The following SDK1 variants were observed in gnomAD, a reference collection of about 807,000 sequenced individuals.
SDK1 encodes protein sidekick-1.
A neutral mutation model predicts 245.5 loss-of-function variants in SDK1; 157 were observed. The observed-to-expected ratio is 0.64, with a 90% confidence interval of 0.56 to 0.73. SDK1 has a LOEUF of 0.73. SDK1 is among the 30% of genes least tolerant of loss of function. The pLI is 0.00. For missense variants in SDK1, 3,583 were observed against 3,002.3 expected, an observed-to-expected ratio of 1.19 and a Z score of -4.52; for synonymous variants, 1,647 against 1,278.5, an observed-to-expected ratio of 1.29 and a Z score of -6.15.
Position 3,661,029 on chromosome 7 carries a change from C to A in SDK1, c.713+18924C>A, listed in dbSNP as rs910985494. Among the ~76,000 whole-genome samples, 8 of 152,118 alleles carry A rather than the reference C, an allele frequency of 5.3e-5. 1 individual carries two copies. Among genetic ancestry groups the A allele is most frequent in the African/African-American group, 1.9e-4 (8 of 41,438 alleles). On this transcript the variant is annotated intron_variant, in intron 4 of 44. Coordinates refer to ENST00000404826, the MANE Select transcript of SDK1 (RefSeq NM_152744.4). ...GTATTTAGAAATTACTTATGTGAAG[C>A]CTGTCCGTGTTCATGGTCATTTCAA...
At position 4,170,546 on chromosome 7, in the gene SDK1, A is replaced by G. The variant is rs375092937; in HGVS notation, c.4801-3676A>G. On this transcript the variant is annotated intron_variant, in intron 32 of 44. Transcript: ENST00000404826. ...GTTATGCACACACAGGATTTCCACC[A>G]CGCCCCCACATCTCTGGTGGTGCTT... 7.9e-5 allele frequency among the ~76,000 whole-genome samples: 12 copies of G among 152,280 alleles called. No homozygotes were observed. The East Asian group carries it at 1.9e-3, about 24-fold the overall frequency.
At chr7:3,587,300 CGTGTGTGTGT>C (rs10523052) in intron 1 of SDK1, among the ~76,000 whole-genome samples, 6 of 149,052 alleles carry the variant, frequency 4.0e-5, no homozygotes, top group African/African-American at 9.9e-5. Context: ...AGAAACAGAA[CGTGTGTGTGT>C]GTGTGTGTGT....
chr7:3,360,467 G>A (rs902694360), intron 1 of SDK1, among the ~76,000 whole-genome samples: 1 of 152,220 alleles, frequency 6.6e-6, no homozygotes, highest in Non-Finnish European at 1.5e-5. Context: ...TGTTATTGAA[G>A]TGTTACATGA....
At chr7:3,936,441 C>T (rs962876984) in intron 5 of SDK1, among the ~76,000 whole-genome samples, 2 of 151,972 alleles carry the variant, frequency 1.3e-5, no homozygotes, top group Non-Finnish European at 2.9e-5. Flanking sequence ...AAAAATTAGC[C>T]AGGCATGGTG....
At chr7:4,150,677 G>A (rs1780304270) in intron 30 of SDK1, among the ~76,000 whole-genome samples, 1 of 152,234 alleles carries the variant, frequency 6.6e-6, no homozygotes, top group African/African-American at 2.4e-5. Context: ...GAAGCCCCTG[G>A]CAGCTCCTCA....
At chr7:3,587,777 G>T (rs1420311811) in intron 1 of SDK1, among the ~76,000 whole-genome samples, 1 of 152,214 alleles carries the variant, frequency 6.6e-6, no homozygotes, top group African/African-American at 2.4e-5. Flanking sequence ...CTGCCCCTTG[G>T]CCTTTCCTGA....
chr7:3,337,422 GTGT>G (rs1241121871), intron 1 of SDK1, among the ~76,000 whole-genome samples: 1 of 151,846 alleles, frequency 6.6e-6, no homozygotes, highest in East Asian at 1.9e-4. Flanking sequence ...GATAACACTT[GTGT>G]TGTTGCAGTT....
intron 4 of SDK1, chr7:3,642,782 A>G (rs1782693009): frequency 6.6e-6 from 1 of 152,246 alleles, no homozygotes; most frequent in Non-Finnish European, 1.5e-5. Flanking sequence ...TCATAACTGG[A>G]CATTTTACAA....
At chr7:4,229,486 GTTA>G (rs1785620065) in intron 40 of SDK1, among the ~76,000 whole-genome samples, 1 of 152,122 alleles carries the variant, frequency 6.6e-6, no homozygotes, top group South Asian at 2.1e-4. Context: ...ATTTTAAAAT[GTTA>G]TTATGAAAAA....
chr7:3,560,154 T>C (rs755642448), intron 1 of SDK1, among the ~76,000 whole-genome samples: 1 of 152,260 alleles, frequency 6.6e-6, no homozygotes, highest in Non-Finnish European at 1.5e-5. Context: ...GTTTTAAATG[T>C]TACTTATCAT....
chr7:4,177,856 C>T (rs995848099), intron 34 of SDK1, among the ~76,000 whole-genome samples: 11 of 152,192 alleles, frequency 7.2e-5, no homozygotes, highest in East Asian at 1.9e-4. Context: ...TGCAACTAGA[C>T]GGTCCCATCT....
chr7:3,931,968 A>C (rs1336479583), intron 5 of SDK1, among the ~76,000 whole-genome samples: 2 of 152,204 alleles, frequency 1.3e-5, no homozygotes, highest in Middle Eastern at 3.2e-3. Context: ...TTAAAACGGC[A>C]TGAGTTGCTG....
intron 38 of SDK1, among the ~76,000 whole-genome samples, chr7:4,217,086 C>A (rs1166887379): frequency 3.8e-5 from 1 of 26,094 alleles, no homozygotes; most frequent in African/African-American, 1.9e-4. Context: ...CCCGGAGCAC[C>A]ACACCACCCG....
Position 4,051,812 on chromosome 7 carries a change from G to C in SDK1, c.2893G>C (p.Val965Leu). Residue 965 changes from valine (V) to leucine (L), a missense_variant, in exon 19 of 45, where the codon GTC (valine) becomes CTC (leucine). Physicochemically the swap from Val to Leu is conservative, Grantham distance 32 (BLOSUM62 1). Coordinates refer to ENST00000404826, the MANE Select transcript of SDK1 (RefSeq NM_152744.4). Reference sequence around the variant, plus strand: ...CGGGCCTCCCAGCACACCTCAGCTGGTCTGGACTCAGGAAGACAGTGAGTA... The same window carrying C: ...CGGGCCTCCCAGCACACCTCAGCTGCTCTGGACTCAGGAAGACAGTGAGTA... ...GDGPPSTPQL[V>L]WTQEDKPGAV... 1 of 1,611,908 alleles carries C rather than the reference G, an allele frequency of 6.2e-7. No individual in the cohort carries two copies. Among genetic ancestry groups the C allele is most frequent in the Middle Eastern group, 1.7e-4 (1 of 6,052 alleles).
At chr7:3,883,180 C>A (rs1781248820) in intron 5 of SDK1, among the ~76,000 whole-genome samples, 2 of 152,142 alleles carry the variant, frequency 1.3e-5, no homozygotes, top group African/African-American at 4.8e-5. Flanking sequence ...GTGGGCAGGA[C>A]CCCACACACA....
At chr7:3,484,642 A>G (rs1380224765) in intron 1 of SDK1, among the ~76,000 whole-genome samples, 4 of 152,010 alleles carry the variant, frequency 2.6e-5, no homozygotes, top group South Asian at 2.1e-4. Flanking sequence ...TCCATAACCA[A>G]CCTCGCCTCA....
intron 17 of SDK1, among the ~76,000 whole-genome samples, chr7:4,028,651 C>A (rs561495163): frequency 6.6e-6 from 1 of 152,372 alleles, no homozygotes; most frequent in South Asian, 2.1e-4. Flanking sequence ...TTATGTCCCA[C>A]ATTTCCACCT....
intron 4 of SDK1, among the ~76,000 whole-genome samples, chr7:3,765,735 G>A (rs1248334232): frequency 1.3e-5 from 2 of 151,910 alleles, no homozygotes; most frequent in African/African-American, 4.8e-5. Flanking sequence ...TGCCTTCTTT[G>A]GTTTCTCCTT....
intron 5 of SDK1, among the ~76,000 whole-genome samples, chr7:3,935,462 T>G (rs1423797599): frequency 6.6e-6 from 1 of 152,198 alleles, no homozygotes; most frequent in African/African-American, 2.4e-5. Flanking sequence ...TGGGAGGAAG[T>G]ATTTGCAAAT....
Sources: allele counts gnomAD v4.1 joint callset (sites outside exome capture counted in the v4.1 genomes callset), GRCh38; gene constraint gnomAD v4.1.1; transcripts MANE v1.5; gene names NCBI Gene and HGNC (gene_info 2026-07-23, HGNC 2026-07-21).